Variants in PPFIA1 observed in about 807,000 individuals in gnomAD.
PPFIA1 encodes liprin-alpha-1.
A neutral mutation model predicts 149.9 loss-of-function variants in PPFIA1; 25 were observed. The ratio of observed to expected loss-of-function variants is 0.17; its 90% CI spans 0.12 to 0.23. The LOEUF (loss-of-function observed/expected upper bound fraction) is 0.23, where lower values mean the gene tolerates loss of function less well. Ranked by LOEUF, PPFIA1 falls within the 10% of genes least tolerant of loss-of-function variation. The pLI, the probability that PPFIA1 is intolerant of heterozygous loss-of-function variation, is 1.00. For missense variants in PPFIA1, 1,362 were observed against 1,506.5 expected, an observed-to-expected ratio of 0.90 and a Z score of 1.59; for synonymous variants, 549 against 552.8, an observed-to-expected ratio of 0.99 and a Z score of 0.10.
chr11:70,296,047 C>T (rs2051979722), intron 2 of PPFIA1, among the ~76,000 whole-genome samples: 1 of 149,948 alleles, frequency 6.7e-6, no homozygotes, highest in African/African-American at 2.5e-5. Flanking sequence ...CCAGACGGGG[C>T]GTCGGGGCAA....
At chr11:70,353,599 A>G (rs1485529982) in intron 16 of PPFIA1, among the ~76,000 whole-genome samples, 1 of 152,200 alleles carries the variant, frequency 6.6e-6, no homozygotes, top group Non-Finnish European at 1.5e-5. Context: ...CCACTGCAAA[A>G]ACAAAAAAAC....
At chr11:70,306,363 C>T (rs980419853) in intron 2 of PPFIA1, among the ~76,000 whole-genome samples, 2 of 152,030 alleles carry the variant, frequency 1.3e-5, no homozygotes, top group Non-Finnish European at 2.9e-5. Context: ...AACCCTTTGA[C>T]GCAGCAGGTT....
intron 2 of PPFIA1, among the ~76,000 whole-genome samples, chr11:70,294,342 G>A (rs2051743313): frequency 6.6e-6 from 1 of 152,146 alleles, no homozygotes; most frequent in Admixed American, 6.5e-5. Context: ...GCGAGGTGAT[G>A]GAAGTTGGCG....
At chr11:70,274,722 A>C (rs2050282771) in intron 2 of PPFIA1, among the ~76,000 whole-genome samples, 1 of 151,516 alleles carries the variant, frequency 6.6e-6, no homozygotes, top group African/African-American at 2.4e-5. Context: ...GATGTCTATA[A>C]ACTTTTTTTT....
intron 23 of PPFIA1, 44 bp downstream of exon 23, chr11:70,372,618 T>G (rs772833536): frequency 6.7e-7 from 1 of 1,499,436 alleles, no homozygotes; most frequent in African/African-American, 1.4e-5. Context: ...TCCTACTTGC[T>G]GGTGTGTTTG....
chr11:70,319,847 C>T (rs1021500424), intron 2 of PPFIA1: 4 of 152,234 alleles, frequency 2.6e-5, no homozygotes, highest in Non-Finnish European at 5.9e-5. Flanking sequence ...GTGAAAGAGG[C>T]TCTCACTGGC....
At chr11:70,349,467 ATC>A in intron 16 of PPFIA1, among the ~76,000 whole-genome samples, 1 of 152,198 alleles carries the variant, frequency 6.6e-6, no homozygotes, top group African/African-American at 2.4e-5. Context: ...CCCCATCTTT[ATC>A]TAAAAAAAAA....
At chr11:70,287,476 C>G (rs1367429445) in intron 2 of PPFIA1, among the ~76,000 whole-genome samples, 1 of 151,772 alleles carries the variant, frequency 6.6e-6, no homozygotes, top group South Asian at 2.1e-4. Context: ...TATTCTGATG[C>G]AGTGGTTTGA....
intron 20 of PPFIA1, 52 bp from the exon 21 acceptor site, chr11:70,362,236 C>T: frequency 1.2e-6 from 2 of 1,613,188 alleles, no homozygotes; most frequent in Non-Finnish European, 1.7e-6. Context: ...TACTGTTCTA[C>T]TTTGTAGACT....
At chr11:70,313,697 G>A (rs897102410) in intron 2 of PPFIA1, among the ~76,000 whole-genome samples, 2 of 152,148 alleles carry the variant, frequency 1.3e-5, no homozygotes, top group Non-Finnish European at 2.9e-5. Flanking sequence ...GAGGAGTTGG[G>A]AGCTTGGGCA....
At chr11:70,292,572 G>T (rs549207902) in intron 2 of PPFIA1, among the ~76,000 whole-genome samples, 1 of 152,348 alleles carries the variant, frequency 6.6e-6, no homozygotes, top group East Asian at 1.9e-4. Flanking sequence ...ATTGTCTACT[G>T]TGTGTAAGGT....
chr11:70,354,165 C>A, intron 16 of PPFIA1, 136 bp from the exon 17 acceptor site: 1 of 920,618 alleles, frequency 1.1e-6, no homozygotes, highest in Non-Finnish European at 1.6e-6. Flanking sequence ...CAGAATGGTG[C>A]CAGACTGAAA....
chr11:70,353,377 T>A (rs2056181463), intron 16 of PPFIA1, among the ~76,000 whole-genome samples: 1 of 152,204 alleles, frequency 6.6e-6, no homozygotes, highest in African/African-American at 2.4e-5. Context: ...AGAACCTGGC[T>A]CTTAAAATTT....
intron 23 of PPFIA1, 92 bp from the exon 24 acceptor site, chr11:70,374,826 C>G: frequency 8.3e-7 from 1 of 1,200,672 alleles, no homozygotes; most frequent in Non-Finnish European, 1.2e-6. Context: ...GATTAGGAAC[C>G]ATGGTAGGAA....
chr11:70,303,222 C>T (rs1212730303), intron 2 of PPFIA1, among the ~76,000 whole-genome samples: 9 of 152,240 alleles, frequency 5.9e-5, no homozygotes, highest in East Asian at 1.9e-4. Context: ...AGCCCTACCG[C>T]GTGTTCGAGT....
chr11:70,276,272 T>C (rs2050377064), intron 2 of PPFIA1, among the ~76,000 whole-genome samples: 1 of 144,096 alleles, frequency 6.9e-6, no homozygotes, highest in African/African-American at 2.5e-5. Flanking sequence ...GCGCCTTGCT[T>C]TTTTTTTTTT....
At chr11:70,300,912 A>C (rs1279146155) in intron 2 of PPFIA1, among the ~76,000 whole-genome samples, 5 of 152,204 alleles carry the variant, frequency 3.3e-5, no homozygotes, top group Non-Finnish European at 7.3e-5. Context: ...ATGAGGGGGC[A>C]AAAGAAACCA....
rs780955016 is a variant in PPFIA1 at position 70,272,216 on chromosome 11, C to T, written c.44C>T (p.Pro15Leu). The T allele has an allele frequency of 6.2e-7, 1 of 1,614,036 alleles. No individual in the cohort carries two copies. The change falls in exon 2 of 28, where the codon CCC becomes CTC. Residue 15 changes from proline to leucine, a missense_variant. Around this residue, in one of 7 missense-constraint regions of PPFIA1, gnomAD observed 100 missense variants for 106.2 expected, o/e 0.94. Coordinates refer to ENST00000253925, the MANE Select transcript of PPFIA1 (RefSeq NM_003626.5). Reference sequence around the variant, plus strand: ...CCGACCATCAGCGAAGCAGAAGGCCCCCCTGGAGGAGGTGGAGGCCATGGT... The same window carrying T: ...CCGACCATCAGCGAAGCAGAAGGCCTCCCTGGAGGAGGTGGAGGCCATGGT... ...VMPTISEAEG[P>L]PGGGGGHGSG... is the part of the protein sequence containing the mutation.
intron 2 of PPFIA1, among the ~76,000 whole-genome samples, chr11:70,296,950 A>G (rs917054299): frequency 2.0e-5 from 3 of 152,168 alleles, no homozygotes; most frequent in African/African-American, 7.2e-5. Flanking sequence ...TGGTGAAGAT[A>G]GTTAATTCAT....
Sources: gnomAD v4.1 joint callset for allele counts (sites outside exome capture counted in the v4.1 genomes callset) on GRCh38, gnomAD v4.1.1 for gene constraint, gnomAD v4.1.1 regional missense constraint, MANE v1.5 for transcripts, NCBI Gene and HGNC (gene_info 2026-07-23, HGNC 2026-07-21) for gene names.